The following CD53 variants were observed in gnomAD, a reference collection of about 807,000 sequenced individuals.
The protein encoded by CD53 is CD53 molecule.
A neutral mutation model predicts 27.3 loss-of-function variants in CD53; 20 were observed. That is an observed-to-expected ratio of 0.73 (90% CI 0.52 to 1.07). CD53 has a LOEUF of 1.07. Among genes scored for constraint, CD53 ranks in the 50% least tolerant of loss-of-function variants. The pLI is 0.00. For missense variants in CD53, 216 were observed against 264.0 expected, an observed-to-expected ratio of 0.82 and a Z score of 1.26; for synonymous variants, 106 against 105.3, an observed-to-expected ratio of 1.01 and a Z score of -0.04.
chr1:110,878,359 C>T (rs936852804), intron 1 of CD53, among the ~76,000 whole-genome samples: 1 of 152,108 alleles, frequency 6.6e-6, no homozygotes, highest in East Asian at 1.9e-4. Context: ...GCCACAGGCT[C>T]TGTGTAGGAA....
At chr1:110,894,722 T>C (rs960268158) in intron 4 of CD53, among the ~76,000 whole-genome samples, 3 of 152,166 alleles carry the variant, frequency 2.0e-5, no homozygotes, top group Non-Finnish European at 4.4e-5. Flanking sequence ...CTCCTTTTCC[T>C]CCCTTGTAAA....
intron 2 of CD53, 148 bp from the exon 3 acceptor site, chr1:110,892,197 T>A: frequency 1.4e-6 from 1 of 690,614 alleles, no homozygotes; most frequent in Non-Finnish European, 2.6e-6. Context: ...AATGTAAGCA[T>A]GGAAAAGTTT....
chr1:110,899,156 CT>C lies in CD53; in HGVS notation c.622del (p.Cys208AlafsTer10), dbSNP rs1418066587. On this transcript the variant is annotated frameshift_variant, in exon 8 of 8. Transcript: ENST00000271324. LOFTEE classifies it high-confidence loss of function. ...LGMSFALTLN[C>X]QIDKTSQTIG... ...GGATGTCCTTTGCACTGACCCTGAA[CT>C]GCCAGATTGACAAAACCAGCCAGAC... is the stretch of plus-strand genomic sequence containing the variant. 10 of 1,613,828 alleles carry C rather than the reference CT, an allele frequency of 6.2e-6. No individual in the cohort carries two copies. The highest frequency in any genetic ancestry group is 8.5e-6 in the Non-Finnish European group (10 of 1,179,866).
upstream of CD53, among the ~76,000 whole-genome samples, chr1:110,872,191 C>G (rs1190867495): frequency 6.6e-6 from 1 of 152,102 alleles, no homozygotes; most frequent in Non-Finnish European, 1.5e-5. Context: ...CTCCTTTGAC[C>G]CAATCTAAGA....
intron 1 of CD53, among the ~76,000 whole-genome samples, chr1:110,886,846 A>AATAT (rs1553203678): frequency 9.0e-4 from 91 of 101,006 alleles, no homozygotes; most frequent in Admixed American, 1.5e-3. Context: ...CTCTGTCTCC[A>AATAT]ATATATATAT....
intron 1 of CD53, chr1:110,880,442 A>G (rs551808324): frequency 3.3e-5 from 5 of 152,238 alleles, no homozygotes; most frequent in African/African-American, 1.2e-4. Context: ...AATCAGTAGG[A>G]ATGTCCCTAA....
chr1:110,881,191 T>C (rs571642254), intron 1 of CD53, among the ~76,000 whole-genome samples: 5 of 152,184 alleles, frequency 3.3e-5, no homozygotes, highest in African/African-American at 1.2e-4. Context: ...TCACCACAGA[T>C]TGTTGTGGCC....
chr1:110,897,564 C>T (rs964651444), intron 6 of CD53: 13 of 326,636 alleles, frequency 4.0e-5, no homozygotes, highest in Admixed American at 2.8e-4. Flanking sequence ...TTTAACTCAG[C>T]GGGTAAGGAT....
At chr1:110,896,093 A>C (rs1172169188) in intron 5 of CD53, among the ~76,000 whole-genome samples, 3 of 152,192 alleles carry the variant, frequency 2.0e-5, no homozygotes, top group Middle Eastern at 6.8e-3. Flanking sequence ...ATAATAGTAC[A>C]CCTCTTTGTT....
At chr1:110,886,871 T>TATATATATA (rs1243346959) in intron 1 of CD53, among the ~76,000 whole-genome samples, 5 of 76,044 alleles carry the variant, frequency 6.6e-5, no homozygotes, top group African/African-American at 1.8e-4. Flanking sequence ...ATATATATAT[T>TATATATATA]TTTTTTTTCT....
At chr1:110,885,479 A>G (rs1656543019) in intron 1 of CD53, among the ~76,000 whole-genome samples, 1 of 152,130 alleles carries the variant, frequency 6.6e-6, no homozygotes, top group Non-Finnish European at 1.5e-5. Context: ...CGGAGCTTGC[A>G]GTGAGCCGAG....
At position 110,892,454 on chromosome 1, in the gene CD53, T is replaced by G. The variant is rs563737932; in HGVS notation, c.173T>G (p.Ile58Ser). Residue 58 changes from isoleucine to serine, a missense_variant, in exon 3 of 8, where the codon ATC becomes AGC. Ile to Ser is a moderately radical substitution (Grantham distance 142). Coordinates refer to ENST00000271324, the MANE Select transcript of CD53 (RefSeq NM_000560.4). ...CTCACGCTGGGCAATGTGTTTGTCA[T>G]CGTGGGCTCTATTATCATGGTAGTT... ...PSLTLGNVFVIVGSIIMVVAF... is the reference protein window; with the variant it reads ...PSLTLGNVFVSVGSIIMVVAF... The G allele has an allele frequency of 4.3e-6, 7 of 1,614,114 alleles. No individual in the cohort carries two copies. In the African/African-American group the frequency reaches 8.0e-5, roughly 18 times the overall value.
chr1:110,871,451 G>A (rs950352776), upstream of CD53, among the ~76,000 whole-genome samples: 3 of 152,122 alleles, frequency 2.0e-5, no homozygotes, highest in African/African-American at 4.8e-5. Flanking sequence ...GCCTTTCCTG[G>A]ATGGTGGACA....
At chr1:110,874,400 T>C (rs947135124) in intron 1 of CD53, among the ~76,000 whole-genome samples, 1 of 151,932 alleles carries the variant, frequency 6.6e-6, no homozygotes, top group Non-Finnish European at 1.5e-5. Context: ...GGGAGGGAGA[T>C]GAAAAGGTAG....
chr1:110,896,987 T>C (rs1326843830), intron 6 of CD53, among the ~76,000 whole-genome samples: 1 of 152,244 alleles, frequency 6.6e-6, no homozygotes, highest in African/African-American at 2.4e-5. Context: ...GTTACTTTTG[T>C]GTGAAAGTAG....
chr1:110,879,902 A>C (rs1656286934), intron 1 of CD53, among the ~76,000 whole-genome samples: 1 of 152,042 alleles, frequency 6.6e-6, no homozygotes, highest in Non-Finnish European at 1.5e-5. Flanking sequence ...TCCAACCTTA[A>C]CCACTTCTAA....
At chr1:110,875,318 A>G (rs1399031501) in intron 1 of CD53, among the ~76,000 whole-genome samples, 1 of 152,168 alleles carries the variant, frequency 6.6e-6, no homozygotes, top group Non-Finnish European at 1.5e-5. Flanking sequence ...AAGATCGCTC[A>G]CCAGGCAGGT....
intron 1 of CD53, among the ~76,000 whole-genome samples, chr1:110,886,864 T>TAC (rs1656628527): frequency 1.3e-5 from 1 of 78,146 alleles, no homozygotes; most frequent in Non-Finnish European, 2.8e-5. Context: ...TATATATATA[T>TAC]ATATATTTTT....
chr1:110,884,260 C>T (rs908255047), intron 1 of CD53, among the ~76,000 whole-genome samples: 6 of 152,004 alleles, frequency 3.9e-5, no homozygotes, highest in Non-Finnish European at 5.9e-5. Flanking sequence ...TTTCTTCTTT[C>T]ATCTATGAAC....
Sources: gnomAD v4.1 joint callset for allele counts (sites outside exome capture counted in the v4.1 genomes callset) on GRCh38, gnomAD v4.1.1 for gene constraint, MANE v1.5 for transcripts, NCBI Gene and HGNC (gene_info 2026-07-23, HGNC 2026-07-21) for gene names.